The following UGT1A5 variants were observed in gnomAD, a reference collection of about 807,000 sequenced individuals.
UGT1A5 encodes the protein UDP-glucuronosyltransferase 1A5.
Under a neutral mutation model 40.3 loss-of-function variants are expected in UGT1A5, and 29 were observed. The observed-to-expected ratio is 0.72, with a 90% CI of 0.54 to 0.98. UGT1A5 has a LOEUF of 0.98. Among genes scored for constraint, UGT1A5 ranks in the 50% least tolerant of loss-of-function variants. The probability of loss-of-function intolerance (pLI) is 0.00; values close to 1 mark genes in which losing one functional copy is unlikely to be tolerated. For missense variants in UGT1A5, 678 were observed against 677.9 expected, an observed-to-expected ratio of 1.00 and a Z score of 0.00; for synonymous variants, 257 against 262.5, an observed-to-expected ratio of 0.98 and a Z score of 0.20.
At chr2:233,724,376 G>A (rs1373227000) in intron 1 of UGT1A5, among the ~76,000 whole-genome samples, 85 of 127,694 alleles carry the variant, frequency 6.7e-4, no homozygotes, top group East Asian at 1.3e-3. Flanking sequence ...GGTGGCTGCC[G>A]GGCGGAGACG....
chr2:233,712,916 G>T lies in UGT1A5; in HGVS notation c.-76G>T, dbSNP rs2076260625. 4 of 1,611,516 alleles carry T rather than the reference G, an allele frequency of 2.5e-6. No individual in the cohort carries two copies. The highest frequency in any genetic ancestry group is 3.4e-6 in the Non-Finnish European group (4 of 1,179,736). On this transcript the variant is annotated 5_prime_UTR_variant, in exon 1 of 5. Coordinates refer to ENST00000373414, the MANE Select transcript of UGT1A5 (RefSeq NM_019078.2). ...ATTTGCTAGGTGTCTCAGTGACAAGGTAATTAAGACGAAGGAAACAATTCT... is the reference window on the plus strand; with the variant it reads ...ATTTGCTAGGTGTCTCAGTGACAAGTTAATTAAGACGAAGGAAACAATTCT...
intron 1 of UGT1A5, among the ~76,000 whole-genome samples, chr2:233,751,493 G>C (rs545881478): frequency 3.2e-4 from 48 of 152,200 alleles, no homozygotes; most frequent in Non-Finnish European, 6.2e-4. Context: ...AAAGACATGA[G>C]ATTTGGGAGG....
At chr2:233,723,194 T>TA (rs551785642) in intron 1 of UGT1A5, among the ~76,000 whole-genome samples, 179 of 130,008 alleles carry the variant, frequency 1.4e-3, no homozygotes, top group African/African-American at 1.9e-3. Context: ...GTCCATGTGG[T>TA]AAAAAAAGTC....
chr2:233,768,582 C>CTTTT (rs139595073), intron 4 of UGT1A5, 143 bp downstream of exon 4: 40 of 1,033,114 alleles, frequency 3.9e-5, no homozygotes, highest in African/African-American at 2.8e-4. Context: ...TTTATTTCTT[C>CTTTT]TTTTTTTTTT....
intron 1 of UGT1A5, among the ~76,000 whole-genome samples, chr2:233,731,881 A>AC (rs1345442477): frequency 6.6e-6 from 1 of 152,198 alleles, no homozygotes; most frequent in Non-Finnish European, 1.5e-5. Flanking sequence ...CAATGGTTGA[A>AC]CTAATTTACA....
rs6742078 is a variant in UGT1A5, at chr2:233,763,993, G to T, written c.868-3041G>T. ...TGTGGGTTACTGGGAATGCGTGATG[G>T]TGAAGTCACAGATGACCCACATGGT... On this transcript the variant is annotated intron_variant, in intron 1 of 4. Transcript: ENST00000373414. 0.36 allele frequency among the ~76,000 whole-genome samples: 54,149 copies of T among 152,126 alleles called. 9,972 individuals carry two copies. Among genetic ancestry groups the T allele is most frequent in the African/African-American group, 0.43 (17,876 of 41,508 alleles).
rs150749285 is a variant in UGT1A5 at position 233,754,499 on chromosome 2, C to T, written c.868-12535C>T. On this transcript the variant is annotated intron_variant, in intron 1 of 4. Coordinates refer to ENST00000373414, the MANE Select transcript of UGT1A5 (RefSeq NM_019078.2). ...TTCACTTTCAATCCTAAAAAAAGTCCGCTATTCCTCCAGATGTGCTTAAAG... is the reference window on the plus strand; with the variant it reads ...TTCACTTTCAATCCTAAAAAAAGTCTGCTATTCCTCCAGATGTGCTTAAAG... The T allele has an allele frequency of 2.1e-3, 765 of 355,996 alleles. 11 individuals carry two copies. Among genetic ancestry groups the T allele is most frequent in the African/African-American group, 0.015 (707 of 46,828 alleles). The allele number at this position is 355,996 out of a possible 1,614,324, so 22.1% of individuals were successfully genotyped here. A position where few individuals can be genotyped will look rare whatever the true frequency, so the allele number is the denominator to read the frequency against.
At chr2:233,741,532 A>C (rs1691693869) in intron 1 of UGT1A5, 1 of 151,938 alleles carries the variant, frequency 6.6e-6, no homozygotes, top group Non-Finnish European at 1.5e-5. Flanking sequence ...AGTCTGTCTT[A>C]TTCTGATACT....
At chr2:233,733,174 G>T (rs2078363189) in intron 1 of UGT1A5, among the ~76,000 whole-genome samples, 1 of 152,204 alleles carries the variant, frequency 6.6e-6, no homozygotes, top group African/African-American at 2.4e-5. Context: ...CTGGGACTTT[G>T]CTGAAGTTGC....
chr2:233,722,521 T>G, intron 1 of UGT1A5, among the ~76,000 whole-genome samples: 1 of 152,232 alleles, frequency 6.6e-6, no homozygotes, highest in East Asian at 1.9e-4. Context: ...AGCTTATTTT[T>G]GCCTTAATGA....
At chr2:233,762,775 C>T (rs1417742267) in intron 1 of UGT1A5, among the ~76,000 whole-genome samples, 1 of 151,182 alleles carries the variant, frequency 6.6e-6, no homozygotes, top group African/African-American at 2.4e-5. Context: ...CTATCTCTAG[C>T]TGATTATCTA....
At chr2:233,746,151 A>C (rs1346587402) in intron 1 of UGT1A5, among the ~76,000 whole-genome samples, 1 of 151,886 alleles carries the variant, frequency 6.6e-6, no homozygotes, top group Non-Finnish European at 1.5e-5. Context: ...TGATAGCATG[A>C]TTCCAAAGCC....
In UGT1A5 at chr2:233,723,213, CTT is replaced by C. The variant is rs201420005; in HGVS notation, c.867+9370_867+9371del. On this transcript the variant is annotated intron_variant, in intron 1 of 4. Coordinates refer to ENST00000373414, the MANE Select transcript of UGT1A5 (RefSeq NM_019078.2). ...ATGTGGTAAAAAAAGTCAAAACTGA[CTT>C]TTTTTTTTTTTTTTGAGTTGGAGTC... Among the ~76,000 whole-genome samples, 40 of 88,776 alleles carry C rather than the reference CTT, an allele frequency of 4.5e-4. 2 individuals are homozygous for C. Among genetic ancestry groups the C allele is most frequent in the East Asian group, 2.4e-3 (8 of 3,302 alleles). 58.2% of individuals were successfully genotyped at this position (88,776 alleles called of 152,430 possible). A position where few individuals can be genotyped will look rare whatever the true frequency, so the allele number is the denominator to read the frequency against.
intron 1 of UGT1A5, among the ~76,000 whole-genome samples, chr2:233,720,075 T>G (rs1197503417): frequency 1.3e-5 from 2 of 152,302 alleles, no homozygotes; most frequent in Middle Eastern, 3.4e-3. Context: ...ATTAGAATTG[T>G]GGACATGATA....
chr2:233,713,909 A>T (rs1191711784), intron 1 of UGT1A5, 51 bp downstream of exon 1: 23 of 1,612,758 alleles, frequency 1.4e-5, no homozygotes, highest in South Asian at 2.2e-5. Context: ...AACACTTTTT[A>T]AAAAATGTAT....
Position 233,713,654 on chromosome 2 carries a change from C to G in UGT1A5, c.663C>G (p.Ser221=), listed in dbSNP as rs772649489. ...ACATGCTCTACCCTCTGGCCCTGTCCTACCTTTGCCATGCTGTTTCTGCTC... is the reference window on the plus strand; with the variant it reads ...ACATGCTCTACCCTCTGGCCCTGTCGTACCTTTGCCATGCTGTTTCTGCTC... ...VKNMLYPLAL[S]YLCHAVSAPY... Residue 221 remains serine, a synonymous_variant, in exon 1 of 5, where the codon TCC becomes TCG. Transcript: ENST00000373414. 2.4e-5 allele frequency: 39 copies of G among 1,613,850 alleles called. No homozygotes were observed. The highest frequency in any genetic ancestry group is 6.7e-5 in the African/African-American group (5 of 74,928).
At position 233,718,885 on chromosome 2, in the gene UGT1A5, T is replaced by C. The variant is rs774756189; in HGVS notation, c.867+5027T>C. ...ACAGGACTGCTGCTCCTCCTCAGTG[T>C]CCAGCCCTGGGCTGAGAGTGGAAAG... On this transcript the variant is annotated intron_variant, in intron 1 of 4. Transcript: ENST00000373414. The C allele has an allele frequency of 6.2e-6, 10 of 1,613,986 alleles. No individual in the cohort carries two copies. Among genetic ancestry groups the C allele is most frequent in the Middle Eastern group, 1.7e-4 (1 of 5,990 alleles).
At position 233,769,881 on chromosome 2, in the gene UGT1A5, G is replaced by A. The variant is rs1425583978; in HGVS notation, c.1307+1442G>A. The A allele has an allele frequency of 1.5e-5, 6 of 409,146 alleles. No homozygotes were observed. The highest frequency in any genetic ancestry group is 2.0e-5 in the African/African-American group (1 of 48,904). 25.3% of individuals were successfully genotyped at this position (409,146 alleles called of 1,614,324 possible). Reference sequence around the variant, plus strand: ...TCAAAAAAAAAAAAAAAAATGAAAAGTCCACATAACCTGAGCATCATGTGC... The same window carrying A: ...TCAAAAAAAAAAAAAAAAATGAAAAATCCACATAACCTGAGCATCATGTGC... On this transcript the variant is annotated intron_variant, in intron 4 of 4. Coordinates refer to ENST00000373414, the MANE Select transcript of UGT1A5 (RefSeq NM_019078.2). This position sits in a 1 kb window ranked among gnomAD's most constrained non-coding sequence, Gnocchi z 4.4.
intron 1 of UGT1A5, among the ~76,000 whole-genome samples, chr2:233,747,017 T>A (rs1217876341): frequency 1.3e-5 from 2 of 151,764 alleles, no homozygotes; most frequent in Non-Finnish European, 2.9e-5. Flanking sequence ...GAGTGATCGG[T>A]CTTTCCCGAA....
Sources: gnomAD v4.1 joint callset for allele counts (sites outside exome capture counted in the v4.1 genomes callset) on GRCh38, gnomAD v4.1.1 for gene constraint, Gnocchi (gnomAD v3.1) non-coding constraint, MANE v1.5 for transcripts, NCBI Gene and HGNC (gene_info 2026-07-23, HGNC 2026-07-21) for gene names.